Variants in SMIM31 observed in about 807,000 individuals in gnomAD.
SMIM31 encodes small integral membrane protein 31.
Position 164,803,032 on chromosome 4 carries a change from A to C in SMIM31, c.*1838A>C, listed in dbSNP as rs555626810. On this transcript the variant is annotated 3_prime_UTR_variant, in exon 3 of 3. Coordinates refer to ENST00000507311, the MANE Select transcript of SMIM31 (RefSeq NM_001352885.1). ...AAATCTTTGCTGGGCTGACAAATGG[A>C]TGAGAGATAGTATAAGTAAAATGTG... 1 of 152,212 alleles carries C rather than the reference A, an allele frequency of 6.6e-6. No homozygotes were observed. The highest frequency in any genetic ancestry group is 1.5e-5 in the Non-Finnish European group (1 of 68,056). The allele number at this position is 152,212 out of a possible 1,614,324, so 9.4% of individuals were successfully genotyped here. A position where few individuals can be genotyped will look rare whatever the true frequency, so the allele number is the denominator to read the frequency against.
intron 1 of SMIM31, among the ~76,000 whole-genome samples, chr4:164,767,464 C>T (rs536631102): frequency 6.6e-6 from 1 of 152,158 alleles, no homozygotes; most frequent in Non-Finnish European, 1.5e-5. Context: ...TCAGTTGGTC[C>T]TAACCCTTAG....
At chr4:164,769,892 G>A (rs1433556579) in intron 1 of SMIM31, among the ~76,000 whole-genome samples, 5 of 152,142 alleles carry the variant, frequency 3.3e-5, no homozygotes, top group Non-Finnish European at 7.3e-5. Context: ...TTGATTAAGA[G>A]TGAGGATTCT....
At chr4:164,776,586 A>T (rs1435836006) in intron 2 of SMIM31, among the ~76,000 whole-genome samples, 2 of 152,166 alleles carry the variant, frequency 1.3e-5, no homozygotes, top group Non-Finnish European at 2.9e-5. Flanking sequence ...ATAAAATAGC[A>T]AACTAACAAA....
At chr4:164,768,479 G>T (rs137958033) in intron 1 of SMIM31, among the ~76,000 whole-genome samples, 11 of 150,700 alleles carry the variant, frequency 7.3e-5, no homozygotes, top group Admixed American at 3.3e-4. Context: ...CCAGAGGAAG[G>T]GAAGGAGGCA....
At position 164,802,210 on chromosome 4, in the gene SMIM31, G is replaced by A. The variant is rs894260082; in HGVS notation, c.*1016G>A. On this transcript the variant is annotated 3_prime_UTR_variant, in exon 3 of 3. Coordinates refer to ENST00000507311, the MANE Select transcript of SMIM31 (RefSeq NM_001352885.1). Reference sequence around the variant, plus strand: ...ATCATGCCACTGCACTCCAGCCTGGGCGACAGAGCAAGACTCTGTCTCAAA... The same window carrying A: ...ATCATGCCACTGCACTCCAGCCTGGACGACAGAGCAAGACTCTGTCTCAAA... 3 of 152,312 alleles carry A rather than the reference G, an allele frequency of 2.0e-5. No individual in the cohort carries two copies. The highest frequency in any genetic ancestry group is 4.4e-5 in the Non-Finnish European group (3 of 68,248). The allele number at this position is 152,312 out of a possible 1,614,324, so 9.4% of individuals were successfully genotyped here. A position where few individuals can be genotyped will look rare whatever the true frequency, so the allele number is the denominator to read the frequency against.
At position 164,799,624 on chromosome 4, in the gene SMIM31, C is replaced by G. The variant is rs187386560; in HGVS notation, c.113-1467C>G. Among the ~76,000 whole-genome samples, 523 of 152,286 alleles carry G rather than the reference C, an allele frequency of 3.4e-3. 1 individual carries two copies. Among genetic ancestry groups the G allele is most frequent in the African/African-American group, 0.012 (504 of 41,566 alleles). ...AACCCATTCACATGGGGAAGGCCAT[C>G]TGCTTTACTGAGTCCACCAATTCAA... On this transcript the variant is annotated intron_variant, in intron 2 of 2. Coordinates refer to ENST00000507311, the MANE Select transcript of SMIM31 (RefSeq NM_001352885.1).
intron 1 of SMIM31, among the ~76,000 whole-genome samples, chr4:164,766,483 G>A (rs767612110): frequency 5.3e-5 from 8 of 151,938 alleles, no homozygotes; most frequent in Non-Finnish European, 8.8e-5. Context: ...GAACTTTAAT[G>A]GGGAAAGACA....
At position 164,786,789 on chromosome 4, in the gene SMIM31, T is replaced by C. The variant is rs986429025; in HGVS notation, c.113-14302T>C. Reference sequence around the variant, plus strand: ...GCCTTGTTTGAACATTTGGACACTTTACATTGGGTCAAAAGGCTTACAGCC... The same window carrying C: ...GCCTTGTTTGAACATTTGGACACTTCACATTGGGTCAAAAGGCTTACAGCC... On this transcript the variant is annotated intron_variant, in intron 2 of 2. Coordinates refer to ENST00000507311, the MANE Select transcript of SMIM31 (RefSeq NM_001352885.1). Among the ~76,000 whole-genome samples the C allele has an allele frequency of 2.0e-5, 3 of 152,250 alleles. No homozygotes were observed. The East Asian group carries it at 5.8e-4, about 29-fold the overall frequency.
chr4:164,791,496 C>G (rs1733100458), intron 2 of SMIM31, among the ~76,000 whole-genome samples: 1 of 152,082 alleles, frequency 6.6e-6, no homozygotes, highest in African/African-American at 2.4e-5. Context: ...CCACACCCAG[C>G]TAATTTTTGT....
chr4:164,754,670 T>C (rs1732532299), intron 1 of SMIM31, among the ~76,000 whole-genome samples: 1 of 151,302 alleles, frequency 6.6e-6, no homozygotes, highest in Admixed American at 6.6e-5. Flanking sequence ...TTGCTATGTT[T>C]GGTTTATTTG....
chr4:164,755,606 G>C (rs1732551542), intron 1 of SMIM31, among the ~76,000 whole-genome samples: 1 of 118,722 alleles, frequency 8.4e-6, no homozygotes, highest in Non-Finnish European at 1.6e-5. Flanking sequence ...CCAGCATTGT[G>C]TTGTTCTAGA....
intron 2 of SMIM31, among the ~76,000 whole-genome samples, chr4:164,782,539 C>T (rs1333884123): frequency 6.7e-5 from 10 of 148,478 alleles, no homozygotes; most frequent in Non-Finnish European, 1.0e-4. Context: ...CCACCACGCC[C>T]GGCTAATTTT....
chr4:164,800,200 T>C (rs1733263953), intron 2 of SMIM31, among the ~76,000 whole-genome samples: 1 of 152,046 alleles, frequency 6.6e-6, no homozygotes, highest in Non-Finnish European at 1.5e-5. Context: ...TAAAGGGTGT[T>C]TAACTTATGT....
intron 2 of SMIM31, among the ~76,000 whole-genome samples, chr4:164,779,104 A>G (rs534890756): frequency 4.5e-4 from 69 of 151,940 alleles, no homozygotes; most frequent in Admixed American, 2.0e-3. Context: ...AACATAAATT[A>G]AATGTCTTTT....
At chr4:164,765,378 A>T (rs1039916221) in intron 1 of SMIM31, among the ~76,000 whole-genome samples, 14 of 152,194 alleles carry the variant, frequency 9.2e-5, no homozygotes, top group Non-Finnish European at 1.8e-4. Flanking sequence ...ATGAGCCTTC[A>T]AGGTGAATAC....
chr4:164,758,729 G>T (rs1560822528), intron 1 of SMIM31, among the ~76,000 whole-genome samples: 1 of 143,088 alleles, frequency 7.0e-6, no homozygotes, highest in Admixed American at 7.1e-5. Flanking sequence ...CGCCTCCCGG[G>T]TTCACGCCAT....
intron 1 of SMIM31, among the ~76,000 whole-genome samples, chr4:164,755,089 C>T (rs1052339376): frequency 2.7e-5 from 4 of 149,954 alleles, no homozygotes; most frequent in African/African-American, 9.8e-5. Context: ...TTATTTCTTG[C>T]TTTCACCAAA....
At chr4:164,772,691 G>C (rs1002611724) in intron 2 of SMIM31, among the ~76,000 whole-genome samples, 1 of 151,028 alleles carries the variant, frequency 6.6e-6, no homozygotes, top group African/African-American at 2.4e-5. Context: ...CCATTCTCCT[G>C]CCTCAGCCTC....
intron 1 of SMIM31, among the ~76,000 whole-genome samples, chr4:164,757,648 C>T (rs1032727429): frequency 1.3e-4 from 19 of 151,306 alleles, no homozygotes; most frequent in African/African-American, 4.6e-4. Context: ...AATGTCTCAT[C>T]GTTCCACCAC....
Sources: gnomAD v4.1 joint callset for allele counts (sites outside exome capture counted in the v4.1 genomes callset) on GRCh38, gnomAD v4.1.1 for gene constraint, MANE v1.5 for transcripts, NCBI Gene and HGNC (gene_info 2026-07-23, HGNC 2026-07-21) for gene names.